Variants in SNX4 observed in about 807,000 individuals in gnomAD.
SNX4 encodes sorting nexin-4.
In SNX4, 49 loss-of-function variants were observed where a neutral mutation model predicts 70.8. The observed-to-expected ratio is 0.69, with a 90% CI of 0.55 to 0.88. The LOEUF is 0.88. Ranked by LOEUF, SNX4 falls within the 40% of genes least tolerant of loss-of-function variation. The probability of loss-of-function intolerance (pLI) is 0.00; values close to 1 mark genes in which losing one functional copy is unlikely to be tolerated. For synonymous variants in SNX4, 206 were observed against 183.8 expected (o/e 1.12, Z -0.98); for missense variants, 528 against 544.8 (o/e 0.97, Z 0.31).
chr3:125,511,665 G>C (rs1452769694), intron 1 of SNX4, among the ~76,000 whole-genome samples: 1 of 152,138 alleles, frequency 6.6e-6, no homozygotes, highest in Non-Finnish European at 1.5e-5. Flanking sequence ...TGAGACCACA[G>C]GATAACTGCT....
Position 125,457,572 on chromosome 3 carries a change from C to CTTT in SNX4, c.945-210_945-208dup, listed in dbSNP as rs1005344428. Among the ~76,000 whole-genome samples, 170 of 110,342 alleles carry CTTT rather than the reference C, an allele frequency of 1.5e-3. 1 individual carries two copies. Among genetic ancestry groups the CTTT allele is most frequent in the Non-Finnish European group, 1.9e-3 (106 of 55,126 alleles). The allele number at this position is 110,342 out of a possible 152,430, so 72.4% of individuals were successfully genotyped here. The stretch of plus-strand genomic sequence containing the variant: ...CCTAACCATAAAAACTTCATATATT[C>CTTT]TTTTTTTTTTTTTTTTTTTTTTGAG... On this transcript the variant is annotated intron_variant, in intron 10 of 13. Transcript: ENST00000251775.
intron 1 of SNX4, among the ~76,000 whole-genome samples, chr3:125,508,427 C>T (rs570203391): frequency 6.6e-6 from 1 of 151,204 alleles, no homozygotes; most frequent in Non-Finnish European, 1.5e-5. Flanking sequence ...ATTAGCCGGG[C>T]GTGGTGGCAG....
rs768884950 is a variant in SNX4 at position 125,451,353 on chromosome 3, C to A, written c.1257G>T (p.Lys419Asn). The A allele has an allele frequency of 6.2e-7, 1 of 1,613,932 alleles. No individual in the cohort carries two copies. The highest frequency in any genetic ancestry group is 2.2e-5 in the East Asian group (1 of 44,848). Residue 419 changes from lysine to asparagine, a missense_variant, in exon 13 of 14, where the codon AAG (lysine) becomes AAT (asparagine). Around this residue, in one of 3 missense-constraint regions of SNX4, gnomAD observed 159 missense variants for 172.6 expected, o/e 0.92. Coordinates refer to ENST00000251775, the MANE Select transcript of SNX4 (RefSeq NM_003794.4). ...RFKEQKNRDLKEALISYAVMQ... is the reference protein window; with the variant it reads ...RFKEQKNRDLNEALISYAVMQ... The stretch of plus-strand genomic sequence containing the variant: ...TGACTGCATAGCTTATGAGGGCCTC[C>A]TTTAAGTCTCGGTTCTTTTGTTCTT...
intron 1 of SNX4, among the ~76,000 whole-genome samples, chr3:125,513,396 G>T (rs1410151947): frequency 6.6e-6 from 1 of 152,148 alleles, no homozygotes; most frequent in Non-Finnish European, 1.5e-5. Context: ...ATAGCAGCCC[G>T]AACAGACTAA....
At chr3:125,475,032 C>T (rs979388794) in intron 8 of SNX4, among the ~76,000 whole-genome samples, 1 of 152,056 alleles carries the variant, frequency 6.6e-6, no homozygotes, top group Non-Finnish European at 1.5e-5. Context: ...GTCTTTCTTC[C>T]CATTATACTA....
intron 5 of SNX4, among the ~76,000 whole-genome samples, chr3:125,492,211 C>A (rs920851380): frequency 1.3e-5 from 2 of 151,682 alleles, no homozygotes; most frequent in African/African-American, 4.8e-5. Flanking sequence ...AACACTTTTA[C>A]CTGCTTTATC....
intron 12 of SNX4, 89 bp downstream of exon 12, chr3:125,453,721 A>C: frequency 7.9e-7 from 1 of 1,262,394 alleles, no homozygotes; most frequent in Non-Finnish European, 1.1e-6. Flanking sequence ...GAAGCTGGGA[A>C]TTGTTACCAA....
chr3:125,485,137 A>G (rs1422192390), intron 6 of SNX4, among the ~76,000 whole-genome samples: 1 of 151,922 alleles, frequency 6.6e-6, no homozygotes, highest in Non-Finnish European at 1.5e-5. Flanking sequence ...TCCCAGTTAC[A>G]TGGGAGGCTG....
intron 1 of SNX4, among the ~76,000 whole-genome samples, chr3:125,514,597 GC>G (rs1418868885): frequency 6.6e-6 from 1 of 152,050 alleles, no homozygotes; most frequent in Non-Finnish European, 1.5e-5. Context: ...TCACAATGTT[GC>G]CCAGGCTGGT....
chr3:125,492,065 G>A (rs968585980), intron 5 of SNX4, among the ~76,000 whole-genome samples: 1 of 128,398 alleles, frequency 7.8e-6, no homozygotes, highest in East Asian at 2.3e-4. Context: ...CCGAGATCGC[G>A]CCACCGCACT....
chr3:125,464,508 T>C (rs1439478936), intron 9 of SNX4, among the ~76,000 whole-genome samples: 1 of 151,314 alleles, frequency 6.6e-6, no homozygotes, highest in Non-Finnish European at 1.5e-5. Context: ...AAATGAGCTA[T>C]AGAAGTGTGA....
intron 9 of SNX4, among the ~76,000 whole-genome samples, chr3:125,468,519 A>C (rs1934086988): frequency 1.3e-5 from 2 of 152,096 alleles, no homozygotes. Context: ...TGGGAAACAC[A>C]GCAAGACCCC....
rs374291058 is a variant in SNX4 at position 125,498,324 on chromosome 3, AT to A, written c.264-131del. The A allele has an allele frequency of 5.6e-5, 52 of 929,862 alleles. 1 individual carries two copies. The highest frequency in any genetic ancestry group is 4.1e-4 in the East Asian group (15 of 36,352). The allele number at this position is 929,862 out of a possible 1,614,324, so 57.6% of individuals were successfully genotyped here. A position where few individuals can be genotyped will look rare whatever the true frequency, so the allele number is the denominator to read the frequency against. ...GCACTAAGTAAAGAACTTTTCATACATTTTTCTTTTTTTTCAAGACAGGGTC... is the reference window on the plus strand; with the variant it reads ...GCACTAAGTAAAGAACTTTTCATACATTTTCTTTTTTTTCAAGACAGGGTC... On this transcript the variant is annotated intron_variant, in intron 2 of 13. Coordinates refer to ENST00000251775, the MANE Select transcript of SNX4 (RefSeq NM_003794.4).
intron 1 of SNX4, among the ~76,000 whole-genome samples, chr3:125,516,736 G>C (rs1305947409): frequency 1.3e-5 from 2 of 152,166 alleles, no homozygotes; most frequent in Non-Finnish European, 2.9e-5. Flanking sequence ...AGCTACTCGG[G>C]AGGCTGAGGC....
intron 9 of SNX4, among the ~76,000 whole-genome samples, chr3:125,463,122 T>C (rs1256023026): frequency 6.6e-6 from 1 of 152,194 alleles, no homozygotes; most frequent in African/African-American, 2.4e-5. Context: ...TTTATTGAAG[T>C]TGTAAGACAA....
intron 1 of SNX4, 35 bp downstream of exon 1, chr3:125,519,997 C>G (rs1162477794): frequency 3.3e-6 from 5 of 1,525,772 alleles, no homozygotes; most frequent in Admixed American, 2.1e-5. Flanking sequence ...GGCCACCACA[C>G]AGGCCATGAG....
At chr3:125,469,774 G>A (rs2107536927) in intron 8 of SNX4, among the ~76,000 whole-genome samples, 1 of 152,298 alleles carries the variant, frequency 6.6e-6, no homozygotes. Context: ...TCTGGTTATA[G>A]ATTACATTCT....
intron 2 of SNX4, among the ~76,000 whole-genome samples, chr3:125,502,435 A>G (rs1440975150): frequency 6.6e-6 from 1 of 151,890 alleles, no homozygotes; most frequent in Non-Finnish European, 1.5e-5. Flanking sequence ...TCTGTAGACA[A>G]TCTTCACCAA....
intron 1 of SNX4, among the ~76,000 whole-genome samples, chr3:125,509,510 G>A (rs1935122435): frequency 6.6e-6 from 1 of 152,006 alleles, no homozygotes; most frequent in Admixed American, 6.6e-5. Context: ...CTAGCACTTT[G>A]GGAGGCCAAG....
Sources: allele counts gnomAD v4.1 joint callset (sites outside exome capture counted in the v4.1 genomes callset), GRCh38; gene constraint gnomAD v4.1.1; regional missense constraint gnomAD v4.1.1; transcripts MANE v1.5; gene names NCBI Gene and HGNC (gene_info 2026-07-23, HGNC 2026-07-21).